The following RYR2 variants were observed in gnomAD, a reference collection of about 807,000 sequenced individuals.
The protein encoded by RYR2 is ryanodine receptor 2.
In RYR2, 227 loss-of-function variants were observed where a neutral mutation model predicts 601.1. The observed-to-expected ratio is 0.38, with a 90% CI of 0.34 to 0.42. The LOEUF (loss-of-function observed/expected upper bound fraction) is 0.42. Among genes scored for constraint, RYR2 ranks in the 10% least tolerant of loss-of-function variants. The pLI, the probability that RYR2 is intolerant of heterozygous loss-of-function variation, is 1.00. For missense variants in RYR2, 4,646 were observed against 6,156.5 expected (o/e 0.75, Z 8.21); for synonymous variants, 2,223 against 2,175.1 (o/e 1.02, Z -0.61).
rs950196754 is a variant in RYR2 at position 237,264,045 on chromosome 1, G to T, written c.49-6452G>T. Among the ~76,000 whole-genome samples, 3 of 151,342 alleles carry T rather than the reference G, an allele frequency of 2.0e-5. No individual in the cohort carries two copies. The East Asian group carries it at 5.8e-4, about 29-fold the overall frequency. On this transcript the variant is annotated intron_variant, in intron 1 of 104. Transcript: ENST00000366574. ...TCACAGGTTTGTGAGCAGCAGTCAAGCTAACTTTGCTCAGAATTACTAAAT... is the reference window on the plus strand; with the variant it reads ...TCACAGGTTTGTGAGCAGCAGTCAATCTAACTTTGCTCAGAATTACTAAAT...
chr1:237,128,204 G>A (rs899930242), intron 1 of RYR2, among the ~76,000 whole-genome samples: 23 of 152,150 alleles, frequency 1.5e-4, no homozygotes, highest in African/African-American at 4.1e-4. Flanking sequence ...CCAACACAGC[G>A]AAACCCTGTC....
chr1:237,070,295 C>T (rs1324787176), intron 1 of RYR2, among the ~76,000 whole-genome samples: 1 of 151,964 alleles, frequency 6.6e-6, no homozygotes, highest in African/African-American at 2.4e-5. Context: ...GCCTCCTGAG[C>T]AGCTGGGCCT....
At chr1:237,462,292 G>A (rs552642094) in intron 16 of RYR2, among the ~76,000 whole-genome samples, 1 of 152,224 alleles carries the variant, frequency 6.6e-6, no homozygotes, top group Admixed American at 6.5e-5. Flanking sequence ...AAACCAAGAA[G>A]GTGGGAATAA....
chr1:237,759,892 T>A, intron 83 of RYR2, 40 bp downstream of exon 83: 1 of 1,331,102 alleles, frequency 7.5e-7, no homozygotes, highest in Non-Finnish European at 1.1e-6. Flanking sequence ...TACTCAGTGG[T>A]TGTATTTTTT....
intron 35 of RYR2, among the ~76,000 whole-genome samples, chr1:237,607,222 C>T (rs755414404): frequency 2.0e-5 from 3 of 152,164 alleles, no homozygotes; most frequent in Admixed American, 2.0e-4. Context: ...GGCACATATA[C>T]ACCACGGAAT....
chr1:237,280,893 T>G (rs1268593836), intron 2 of RYR2, among the ~76,000 whole-genome samples: 1 of 151,990 alleles, frequency 6.6e-6, no homozygotes, highest in Non-Finnish European at 1.5e-5. Flanking sequence ...CAAGTGATTC[T>G]CCTGCCTCAG....
intron 4 of RYR2, among the ~76,000 whole-genome samples, chr1:237,358,600 G>A (rs568550564): frequency 2.6e-5 from 4 of 152,172 alleles, no homozygotes; most frequent in African/African-American, 7.2e-5. Context: ...TAGCTGGTCA[G>A]TGGCAATTCC....
chr1:237,830,409 T>C (rs1663640616), intron 102 of RYR2, 121 bp from the exon 103 acceptor site: 4 of 684,956 alleles, frequency 5.8e-6, no homozygotes, highest in South Asian at 4.7e-5. Flanking sequence ...ACAGCCTCCA[T>C]GTGATGATCT....
intron 17 of RYR2, among the ~76,000 whole-genome samples, chr1:237,483,192 G>T (rs1662306251): frequency 6.6e-6 from 1 of 152,086 alleles, no homozygotes; most frequent in South Asian, 2.1e-4. Flanking sequence ...TCTGATCAGT[G>T]TTGTCCATTC....
intron 17 of RYR2, among the ~76,000 whole-genome samples, chr1:237,485,414 G>A (rs962501767): frequency 3.3e-5 from 5 of 152,138 alleles, no homozygotes; most frequent in Non-Finnish European, 7.4e-5. Flanking sequence ...CTGCTCTCAA[G>A]GGCTCGTTCT....
At chr1:237,509,566 A>G (rs1341975946) in intron 23 of RYR2, among the ~76,000 whole-genome samples, 1 of 152,180 alleles carries the variant, frequency 6.6e-6, no homozygotes, top group Non-Finnish European at 1.5e-5. Flanking sequence ...AGATCTGTCT[A>G]TCATTTATTC....
intron 1 of RYR2, among the ~76,000 whole-genome samples, chr1:237,137,064 T>C (rs73117632): frequency 0.052 from 7,788 of 151,022 alleles, 647 homozygotes; most frequent in African/African-American, 0.18. Context: ...TATTCTAGAT[T>C]CCCGTAGCCA....
intron 1 of RYR2, among the ~76,000 whole-genome samples, chr1:237,192,371 G>A (rs1039499797): frequency 6.6e-6 from 1 of 151,780 alleles, no homozygotes; most frequent in Non-Finnish European, 1.5e-5. Flanking sequence ...CACCACGCCC[G>A]GCTAATTTTT....
intron 1 of RYR2, among the ~76,000 whole-genome samples, chr1:237,225,486 T>A (rs1684262768): frequency 6.6e-6 from 1 of 152,170 alleles, no homozygotes; most frequent in Non-Finnish European, 1.5e-5. Context: ...CTTGTGAGAC[T>A]TACTCGCTAC....
At chr1:237,070,126 G>A (rs936044697) in intron 1 of RYR2, among the ~76,000 whole-genome samples, 2 of 150,792 alleles carry the variant, frequency 1.3e-5, no homozygotes, top group Admixed American at 1.3e-4. Flanking sequence ...GACCTCCCAG[G>A]CTCAAGTGAT....
chr1:237,441,248 G>A lies in RYR2; in HGVS notation c.1006-71G>A, dbSNP rs139492083. On this transcript the variant is annotated intron_variant, in intron 12 of 104. Coordinates refer to ENST00000366574, the MANE Select transcript of RYR2 (RefSeq NM_001035.3). ...TTTCAAGGAACATATTTGCAATAAGGCAAAATTCTATTGCCATACACTAGT... is the reference window on the plus strand; with the variant it reads ...TTTCAAGGAACATATTTGCAATAAGACAAAATTCTATTGCCATACACTAGT... The A allele has an allele frequency of 3.3e-4, 506 of 1,554,604 alleles. 2 individuals are homozygous for A. In the African/African-American group the frequency reaches 6.4e-3, roughly 20 times the overall value.
At chr1:237,104,214 T>G (rs1668429116) in intron 1 of RYR2, among the ~76,000 whole-genome samples, 1 of 152,182 alleles carries the variant, frequency 6.6e-6, no homozygotes, top group Non-Finnish European at 1.5e-5. Flanking sequence ...GGCCTGGACC[T>G]GTGGGATTTG....
Position 237,793,722 on chromosome 1 carries a change from T to C in RYR2, c.13783-145T>C, listed in dbSNP as rs1658737175. The C allele has an allele frequency of 3.4e-5, 22 of 646,652 alleles. 1 individual carries two copies. In the South Asian group the frequency reaches 4.4e-4, roughly 13 times the overall value. 40.1% of individuals were successfully genotyped at this position (646,652 alleles called of 1,614,324 possible). A position where few individuals can be genotyped will look rare whatever the true frequency, so the allele number is the denominator to read the frequency against. ...CTAGATGCTTCTTCCTGCTTGAATA[T>C]AGCTGATTCATTTTCATTCCATTTT... On this transcript the variant is annotated intron_variant, in intron 94 of 104. Transcript: ENST00000366574.
chr1:237,489,432 G>A (rs902163600), intron 17 of RYR2, among the ~76,000 whole-genome samples: 47 of 152,260 alleles, frequency 3.1e-4, no homozygotes, highest in African/African-American at 1.0e-3. Context: ...CAAGGTGGGC[G>A]GATCGCCTGA....
Sources: gnomAD v4.1 joint callset for allele counts (sites outside exome capture counted in the v4.1 genomes callset) on GRCh38, gnomAD v4.1.1 for gene constraint, MANE v1.5 for transcripts, NCBI Gene and HGNC (gene_info 2026-07-23, HGNC 2026-07-21) for gene names.